RARB: variants seen among roughly 807,000 people sequenced by gnomAD.
RARB encodes retinoic acid receptor beta.
Under a neutral mutation model 51.9 loss-of-function variants are expected in RARB, and 17 were observed. The ratio of observed to expected loss-of-function variants is 0.33; its 90% CI spans 0.22 to 0.49. The LOEUF (loss-of-function observed/expected upper bound fraction) is 0.49. Among genes scored for constraint, RARB ranks in the 20% least tolerant of loss-of-function variants. The pLI is 0.99. For missense variants in RARB, 369 were observed against 550.8 expected (o/e 0.67, Z 3.30); for synonymous variants, 215 against 195.4 (o/e 1.10, Z -0.84).
chr3:24,941,438 C>T (rs1472994510), intron 2 of RARB, among the ~76,000 whole-genome samples: 4 of 150,926 alleles, frequency 2.7e-5, no homozygotes, highest in Non-Finnish European at 4.4e-5. Context: ...GGCACGATCT[C>T]GGCTCACTGC....
At chr3:24,921,395 T>G (rs1695213695) in intron 2 of RARB, among the ~76,000 whole-genome samples, 1 of 152,170 alleles carries the variant, frequency 6.6e-6, no homozygotes, top group Non-Finnish European at 1.5e-5. Flanking sequence ...TTTTCTTCCA[T>G]TATCACAGAA....
chr3:25,356,976 C>T (rs565440843), intron 5 of RARB, among the ~76,000 whole-genome samples: 80 of 152,198 alleles, frequency 5.3e-4, no homozygotes, highest in Non-Finnish European at 1.0e-3. Context: ...AATAAACATA[C>T]GTGTGCATGT....
chr3:25,068,974 C>G (rs1189527091), intron 3 of RARB, among the ~76,000 whole-genome samples: 1 of 151,578 alleles, frequency 6.6e-6, no homozygotes. Flanking sequence ...CACAATTACC[C>G]TAAACCCAGT....
intron 3 of RARB, among the ~76,000 whole-genome samples, chr3:25,073,867 T>G (rs533562823): frequency 6.6e-6 from 1 of 152,282 alleles, no homozygotes; most frequent in South Asian, 2.1e-4. Context: ...TGAATTAGAC[T>G]TTCTTATTCA....
chr3:25,502,893 C>A (rs1697388597), intron 3 of RARB, among the ~76,000 whole-genome samples: 1 of 152,198 alleles, frequency 6.6e-6, no homozygotes, highest in Non-Finnish European at 1.5e-5. Flanking sequence ...CTGAACCAGC[C>A]AACCCTATGA....
Position 25,114,392 on chromosome 3 carries a change from C to T in RARB, c.-327-17769C>T, listed in dbSNP as rs118066184. On this transcript the variant is annotated intron_variant, in intron 3 of 11. Transcript: ENST00000383772. ...CCACTTGGAAATAATTGAGAGTTTT[C>T]ACTAGTTTGAAGATGCTCTGAAAGT... Among the ~76,000 whole-genome samples, 482 of 152,218 alleles carry T rather than the reference C, an allele frequency of 3.2e-3. 3 individuals are homozygous for T. The East Asian group carries it at 0.036, about 11-fold the overall frequency.
chr3:25,340,237 C>G (rs1423638931), intron 5 of RARB, among the ~76,000 whole-genome samples: 1 of 152,120 alleles, frequency 6.6e-6, no homozygotes, highest in African/African-American at 2.4e-5. Flanking sequence ...AAACAGGTGA[C>G]TTTATTGTAC....
At chr3:25,167,923 G>T (rs1293364884) in intron 4 of RARB, among the ~76,000 whole-genome samples, 1 of 152,170 alleles carries the variant, frequency 6.6e-6, no homozygotes, top group Non-Finnish European at 1.5e-5. Flanking sequence ...AGTTATCCAA[G>T]AGTCCCAAAT....
At chr3:25,306,665 T>C (rs763915859) in intron 5 of RARB, among the ~76,000 whole-genome samples, 1 of 152,206 alleles carries the variant, frequency 6.6e-6, no homozygotes, top group Non-Finnish European at 1.5e-5. Flanking sequence ...TTTCATGACC[T>C]ATAGTTCATG....
intron 2 of RARB, among the ~76,000 whole-genome samples, chr3:25,023,692 T>C (rs1697685104): frequency 6.6e-6 from 1 of 152,186 alleles, no homozygotes; most frequent in Admixed American, 6.5e-5. Context: ...GGTATGTGGA[T>C]GTTTGTATGT....
chr3:25,235,746 G>A (rs1463951704), intron 5 of RARB, among the ~76,000 whole-genome samples: 2 of 152,184 alleles, frequency 1.3e-5, no homozygotes, highest in Non-Finnish European at 2.9e-5. Context: ...AAACACAGGA[G>A]ATGGAAAGGC....
chr3:25,541,781 T>G (rs966392495), intron 3 of RARB, among the ~76,000 whole-genome samples: 5 of 152,138 alleles, frequency 3.3e-5, no homozygotes, highest in African/African-American at 1.2e-4. Context: ...CCTCTTTACC[T>G]TCGAATTTGG....
intron 5 of RARB, among the ~76,000 whole-genome samples, chr3:25,593,254 T>G (rs1200591651): frequency 6.6e-6 from 1 of 152,124 alleles, no homozygotes. Context: ...AGTAATGAAT[T>G]ACTTTTAAAA....
Position 25,207,261 on chromosome 3 carries a change from A to G in RARB, c.178+32686A>G, listed in dbSNP as rs533189259. On this transcript the variant is annotated intron_variant, in intron 5 of 11. Transcript: ENST00000383772. ...GTTTTCATTTTGAGTCTTTACTGAG[A>G]AAATCTCTGTGATCCTCCCCTGTGC... Among the ~76,000 whole-genome samples the G allele has an allele frequency of 1.4e-4, 21 of 152,274 alleles. No individual in the cohort carries two copies. In the South Asian group the frequency reaches 4.1e-3, roughly 30 times the overall value.
At chr3:25,393,520 C>A (rs1707031112) in intron 5 of RARB, among the ~76,000 whole-genome samples, 1 of 151,848 alleles carries the variant, frequency 6.6e-6, no homozygotes, top group African/African-American at 2.4e-5. Context: ...TGTTCCTGAA[C>A]TTTTTTTTGT....
intron 5 of RARB, among the ~76,000 whole-genome samples, chr3:25,336,763 C>G (rs1452079040): frequency 1.3e-5 from 2 of 152,100 alleles, no homozygotes; most frequent in Non-Finnish European, 2.9e-5. Context: ...TGTGGCCAAG[C>G]AATACCGGGA....
chr3:25,152,284 A>G (rs1213279798), intron 4 of RARB, among the ~76,000 whole-genome samples: 1 of 151,780 alleles, frequency 6.6e-6, no homozygotes, highest in African/African-American at 2.4e-5. Context: ...TTATTTTAGG[A>G]AAACTTGGCT....
intron 3 of RARB, among the ~76,000 whole-genome samples, chr3:25,106,370 G>A (rs553747317): frequency 1.4e-5 from 2 of 146,468 alleles, no homozygotes; most frequent in African/African-American, 5.0e-5. Context: ...TGACCCCTCA[G>A]ATTCAGGTGA....
At position 25,500,720 on chromosome 3, in the gene RARB, C is replaced by T. The variant is rs77135585; in HGVS notation, c.307-462C>T. 8.8e-3 allele frequency among the ~76,000 whole-genome samples: 1,338 copies of T among 152,046 alleles called. 17 individuals are homozygous for T. Among genetic ancestry groups the T allele is most frequent in the African/African-American group, 0.031 (1,283 of 41,472 alleles). Reference sequence around the variant, plus strand: ...TCTCAAACTCCTTACCTCAAATGATCCTCCTGCCTCAGCCTCCCAAAGTGC... The same window carrying T: ...TCTCAAACTCCTTACCTCAAATGATTCTCCTGCCTCAGCCTCCCAAAGTGC... On this transcript the variant is annotated intron_variant, in intron 2 of 7. Transcript: ENST00000330688.
Sources: allele counts gnomAD v4.1 joint callset (sites outside exome capture counted in the v4.1 genomes callset), GRCh38; gene constraint gnomAD v4.1.1; transcripts MANE v1.5; gene names NCBI Gene and HGNC (gene_info 2026-07-23, HGNC 2026-07-21).